Variants in AQP7B observed in about 807,000 individuals in gnomAD.
AQP7B encodes the protein putative aquaporin-7B.
chr2:94,596,847 G>C, the AQP7B span, among the ~76,000 whole-genome samples: 2 of 152,086 alleles, frequency 1.3e-5, no homozygotes, highest in South Asian at 2.1e-4. Context: ...CTACAGGCAC[G>C]TGCCACTGTG....
the AQP7B span, chr2:94,602,532 A>G: frequency 1.2e-6 from 2 of 1,604,494 alleles, no homozygotes; most frequent in African/African-American, 2.7e-5. Context: ...GTTCTAAATA[A>G]AACATATGGG....
chr2:94,595,456 A>G, the AQP7B span, among the ~76,000 whole-genome samples: 1 of 152,074 alleles, frequency 6.6e-6, no homozygotes, highest in Non-Finnish European at 1.5e-5. Context: ...AAAAGAAAAA[A>G]AAAGAGAGAG....
the AQP7B span, chr2:94,594,769 T>C: frequency 1.3e-6 from 2 of 1,581,226 alleles, no homozygotes; most frequent in Non-Finnish European, 1.7e-6. Context: ...CAAAATGGTC[T>C]CCTGGTCCGT....
the AQP7B span, chr2:94,604,042 G>T: frequency 1.5e-5 from 11 of 740,634 alleles, no homozygotes; most frequent in Middle Eastern, 4.0e-4. Flanking sequence ...GAGCCCCCAG[G>T]TGGCCTGGGG....
chr2:94,594,103 C>T, the AQP7B span, among the ~76,000 whole-genome samples: 1 of 152,186 alleles, frequency 6.6e-6, no homozygotes, highest in Non-Finnish European at 1.5e-5. Flanking sequence ...TTCTCCCTCC[C>T]TCTCTCTTGG....
At chr2:94,604,380 C>T in the AQP7B span, 1 of 1,611,428 alleles carries the variant, frequency 6.2e-7, no homozygotes. Context: ...ATTGGCTCCA[C>T]CATCCCACGG....
the AQP7B span, chr2:94,602,581 CACCATGGGAGTCCACGTG>C: frequency 1.3e-6 from 2 of 1,599,580 alleles, no homozygotes; most frequent in East Asian, 2.2e-5. Context: ...GCTTCGGGGT[CACCATGGGAGTCCACGTG>C]GCAGGCCGCA....
At chr2:94,594,467 T>C in the AQP7B span, among the ~76,000 whole-genome samples, 435 of 152,324 alleles carry the variant, frequency 2.9e-3, 2 homozygotes, top group African/African-American at 9.8e-3. Flanking sequence ...AGCTCCCCAC[T>C]TGCCCGTCTG....
At chr2:94,598,580 C>T in the AQP7B span, among the ~76,000 whole-genome samples, 8 of 152,174 alleles carry the variant, frequency 5.3e-5, no homozygotes, top group Admixed American at 2.0e-4. Context: ...CTGTGCAAAG[C>T]TGTATAGCTG....
the AQP7B span, among the ~76,000 whole-genome samples, chr2:94,600,343 A>G: frequency 6.6e-6 from 1 of 152,216 alleles, no homozygotes; most frequent in Non-Finnish European, 1.5e-5. Context: ...TCTAGTATCC[A>G]CATTAAAAAG....
the AQP7B span, chr2:94,604,079 C>T: frequency 2.9e-6 from 2 of 690,770 alleles, no homozygotes; most frequent in East Asian, 2.7e-5. Context: ...AACATTTCCC[C>T]AGGCCAGTAC....
chr2:94,602,631 G>A, the AQP7B span: 4 of 1,580,198 alleles, frequency 2.5e-6, no homozygotes, highest in African/African-American at 1.3e-5. Flanking sequence ...TGAGCCCAGG[G>A]CCTACCAGAC....
chr2:94,587,948 A>C, the AQP7B span, among the ~76,000 whole-genome samples: 2 of 151,898 alleles, frequency 1.3e-5, no homozygotes, highest in African/African-American at 4.8e-5. Context: ...GGGTGAGGGG[A>C]CTTCGGGCTA....
chr2:94,588,546 C>T, the AQP7B span: 29 of 871,556 alleles, frequency 3.3e-5, no homozygotes, highest in Middle Eastern at 3.4e-4. Context: ...TGGGCACAGG[C>T]GGTAAGTACC....
chr2:94,599,054 G>A, the AQP7B span, among the ~76,000 whole-genome samples: 18 of 152,232 alleles, frequency 1.2e-4, no homozygotes, highest in Non-Finnish European at 1.8e-4. Context: ...GGCCTGCCTC[G>A]GTCTCCCAAA....
the AQP7B span, among the ~76,000 whole-genome samples, chr2:94,588,819 C>T: frequency 6.6e-6 from 1 of 151,550 alleles, no homozygotes; most frequent in Non-Finnish European, 1.5e-5. Context: ...GCACTCAGCA[C>T]CTCTCACCCT....
the AQP7B span, among the ~76,000 whole-genome samples, chr2:94,602,018 A>AGTGT: frequency 0.066 from 9,202 of 139,832 alleles, 522 homozygotes; most frequent in East Asian, 0.29. Context: ...ATTGCGGCGG[A>AGTGT]GTGTGTGTGT....
chr2:94,591,798 T>C, the AQP7B span, among the ~76,000 whole-genome samples: 2 of 152,028 alleles, frequency 1.3e-5, no homozygotes, highest in African/African-American at 4.8e-5. Context: ...CCTCCAGCCT[T>C]CTTTTCTTGA....
the AQP7B span, among the ~76,000 whole-genome samples, chr2:94,593,641 A>T: frequency 2.6e-5 from 4 of 152,070 alleles, no homozygotes; most frequent in South Asian, 8.3e-4. Flanking sequence ...ATGTGCCACC[A>T]CGCCTGGCTA....
Sources: gnomAD v4.1 joint callset for allele counts (sites outside exome capture counted in the v4.1 genomes callset) on GRCh38, gnomAD v4.1.1 for gene constraint, MANE v1.5 for transcripts, NCBI Gene and HGNC (gene_info 2026-07-23, HGNC 2026-07-21) for gene names.